Variants in GRIA4 observed in about 807,000 individuals in gnomAD.
GRIA4 encodes glutamate receptor 4.
Under a neutral mutation model 104.0 loss-of-function variants are expected in GRIA4, and 34 were observed. The observed-to-expected ratio is 0.33, with a 90% CI of 0.25 to 0.44. The LOEUF is 0.44. Ranked by LOEUF, GRIA4 falls within the 20% of genes least tolerant of loss-of-function variation. The probability of loss-of-function intolerance (pLI) is 1.00; values close to 1 mark genes in which losing one functional copy is unlikely to be tolerated. For synonymous variants in GRIA4, 386 were observed against 381.9 expected (o/e 1.01, Z -0.13); for missense variants, 750 against 1,096.5 (o/e 0.68, Z 4.46).
At chr11:105,643,061 T>C (rs558107048) in intron 3 of GRIA4, among the ~76,000 whole-genome samples, 14 of 152,072 alleles carry the variant, frequency 9.2e-5, no homozygotes, top group Non-Finnish European at 1.8e-4. Context: ...TCATGAGAAC[T>C]TACTATCATG....
At chr11:105,639,908 A>C (rs1048691098) in intron 3 of GRIA4, among the ~76,000 whole-genome samples, 11 of 151,930 alleles carry the variant, frequency 7.2e-5, no homozygotes, top group African/African-American at 2.7e-4. Flanking sequence ...TTACATCTTA[A>C]TTTCCGCTGA....
intron 4 of GRIA4, among the ~76,000 whole-genome samples, chr11:105,827,912 T>C (rs959560518): frequency 6.6e-6 from 1 of 152,042 alleles, no homozygotes; most frequent in African/African-American, 2.4e-5. Flanking sequence ...TGCCAAACAC[T>C]TGACATGTTT....
In GRIA4 at chr11:105,979,637, G is replaced by A. The variant is rs767696651; in HGVS notation, c.2607G>A (p.Glu869=). 1.2e-6 allele frequency: 2 copies of A among 1,613,900 alleles called. No homozygotes were observed. Reference sequence around the variant, plus strand: ...TATCCATCACTGGGAGTGTGGGAGAGAATGGCCGCGTCTTGACGCCTGACT... The same window carrying A: ...TATCCATCACTGGGAGTGTGGGAGAAAATGGCCGCGTCTTGACGCCTGACT... ...ARLSITGSVG[E]NGRVLTPDCP... The change falls in exon 17 of 17, where the codon GAG becomes GAA. Residue 869 remains glutamate (E), a synonymous_variant. Transcript: ENST00000282499.
chr11:105,831,580 T>A (rs1190961843), intron 4 of GRIA4, among the ~76,000 whole-genome samples: 1 of 152,026 alleles, frequency 6.6e-6, no homozygotes, highest in Non-Finnish European at 1.5e-5. Flanking sequence ...ACAATATTCA[T>A]ACATAACAAT....
chr11:105,866,019 G>T (rs1470473773), intron 5 of GRIA4, among the ~76,000 whole-genome samples: 1 of 152,148 alleles, frequency 6.6e-6, no homozygotes, highest in Non-Finnish European at 1.5e-5. Flanking sequence ...TGGATGGTCT[G>T]CACTCATCTA....
intron 4 of GRIA4, among the ~76,000 whole-genome samples, chr11:105,849,139 C>T (rs531386739): frequency 6.6e-6 from 1 of 152,218 alleles, no homozygotes; most frequent in East Asian, 1.9e-4. Context: ...TTGCAGTGAG[C>T]CCAGATTGCG....
At chr11:105,848,443 G>A (rs530393932) in intron 4 of GRIA4, among the ~76,000 whole-genome samples, 175 of 152,288 alleles carry the variant, frequency 1.1e-3, no homozygotes, top group African/African-American at 3.8e-3. Context: ...TGTAAGGTTA[G>A]AACATACACT....
At chr11:105,771,551 A>G (rs926728947) in intron 4 of GRIA4, among the ~76,000 whole-genome samples, 20 of 152,112 alleles carry the variant, frequency 1.3e-4, no homozygotes, top group African/African-American at 4.8e-4. Context: ...CTAAGAAGGT[A>G]TAAGGGACAT....
In GRIA4 at chr11:105,658,112, A is replaced by C. The variant is rs187013866; in HGVS notation, c.247+45678A>C. ...TTTTTAAAGTTTAAGAAATATTAACATTAGTGTCATATTGTCTCACCTTAA... is the reference window on the plus strand; with the variant it reads ...TTTTTAAAGTTTAAGAAATATTAACCTTAGTGTCATATTGTCTCACCTTAA... On this transcript the variant is annotated intron_variant, in intron 3 of 16. Transcript: ENST00000282499. Among the ~76,000 whole-genome samples the C allele has an allele frequency of 3.5e-3, 536 of 151,956 alleles. 3 individuals carry two copies. The highest frequency in any genetic ancestry group is 0.012 in the African/African-American group (512 of 41,524).
At chr11:105,655,282 T>G (rs1359524170) in intron 3 of GRIA4, among the ~76,000 whole-genome samples, 1 of 152,176 alleles carries the variant, frequency 6.6e-6, no homozygotes, top group Non-Finnish European at 1.5e-5. Flanking sequence ...GGAAAATAAC[T>G]GCATTTTGAA....
chr11:105,742,620 A>G (rs201412275), intron 3 of GRIA4, among the ~76,000 whole-genome samples: 7 of 118,900 alleles, frequency 5.9e-5, no homozygotes, highest in Middle Eastern at 4.8e-3. Flanking sequence ...GTGTGTGTGT[A>G]TGTATATATA....
Position 105,933,982 on chromosome 11 carries a change from G to A in GRIA4, c.2294+13G>A. The stretch of plus-strand genomic sequence containing the variant: ...GTTCCTCATTAAGGTGGGTGGAATA[G>A]TATAACAATATAACATGTGTTGTTA... On this transcript the variant is annotated intron_variant, in intron 14 of 16. Transcript: ENST00000282499. 6.3e-7 allele frequency: 1 copy of A among 1,599,924 alleles called. No homozygotes were observed.
At chr11:105,723,276 T>C (rs1349634544) in intron 3 of GRIA4, among the ~76,000 whole-genome samples, 1 of 152,252 alleles carries the variant, frequency 6.6e-6, no homozygotes, top group South Asian at 2.1e-4. Flanking sequence ...CTTTAAAACA[T>C]TATTTTATTT....
chr11:105,917,536 C>A (rs1489481086), intron 10 of GRIA4, among the ~76,000 whole-genome samples: 6 of 152,052 alleles, frequency 3.9e-5, no homozygotes, highest in South Asian at 2.1e-4. Context: ...TATGAACTTT[C>A]TGGGGAAAAA....
chr11:105,610,379 A>C lies in GRIA4; in HGVS notation c.-140A>C, dbSNP rs1306280806. On this transcript the variant is annotated 5_prime_UTR_variant, in exon 1 of 17. Coordinates refer to ENST00000282499, the MANE Select transcript of GRIA4 (RefSeq NM_000829.4). ...GAGTCAGCGAGTGGTCAGAAGGGAA[A>C]ACCTGACACCAGACTGGCTCCGGAG... is the stretch of plus-strand genomic sequence containing the variant. 6.6e-6 allele frequency: 1 copy of C among 152,468 alleles called. No homozygotes were observed. Among genetic ancestry groups the C allele is most frequent in the Non-Finnish European group, 1.5e-5 (1 of 68,206 alleles). The allele number at this position is 152,468 out of a possible 1,614,324, so 9.4% of individuals were successfully genotyped here. A position where few individuals can be genotyped will look rare whatever the true frequency, so the allele number is the denominator to read the frequency against.
At chr11:105,663,521 A>G (rs1275799072) in intron 3 of GRIA4, among the ~76,000 whole-genome samples, 1 of 151,970 alleles carries the variant, frequency 6.6e-6, no homozygotes, top group Non-Finnish European at 1.5e-5. Context: ...TTCCAGCATG[A>G]TACTTAAATA....
chr11:105,849,967 A>G (rs754762783), intron 4 of GRIA4, among the ~76,000 whole-genome samples: 1 of 152,306 alleles, frequency 6.6e-6, no homozygotes, highest in African/African-American at 2.4e-5. Context: ...TAGAGGTATG[A>G]TACCAGTGTT....
rs2135235224 is a variant in GRIA4, at chr11:105,610,937, G to A, written c.-61G>A. The A allele has an allele frequency of 1.1e-6, 1 of 923,238 alleles. No individual in the cohort carries two copies. Among genetic ancestry groups the A allele is most frequent in the Non-Finnish European group, 1.7e-6 (1 of 571,782 alleles). The allele number at this position is 923,238 out of a possible 1,614,324, so 57.2% of individuals were successfully genotyped here. On this transcript the variant is annotated 5_prime_UTR_variant, in exon 2 of 17. Coordinates refer to ENST00000282499, the MANE Select transcript of GRIA4 (RefSeq NM_000829.4). ...ATCGTCTTCAATGCTTCTCTGAACA[G>A]CCTTTAGGAAGAGTGCGAGAGAAAG...
chr11:105,965,194 C>T (rs1948836316), intron 14 of GRIA4, among the ~76,000 whole-genome samples: 1 of 151,988 alleles, frequency 6.6e-6, no homozygotes. Context: ...GAAATCTAAT[C>T]TAGTGGGTTT....
Sources: allele counts gnomAD v4.1 joint callset (sites outside exome capture counted in the v4.1 genomes callset), GRCh38; gene constraint gnomAD v4.1.1; transcripts MANE v1.5; gene names NCBI Gene and HGNC (gene_info 2026-07-23, HGNC 2026-07-21).